Variants in FCHO2 observed in about 807,000 individuals in gnomAD.
FCHO2 encodes the protein F-BAR domain only protein 2.
A neutral mutation model predicts 114.1 loss-of-function variants in FCHO2; 43 were observed. That is an observed-to-expected ratio of 0.38 (90% CI 0.30 to 0.49). The LOEUF (loss-of-function observed/expected upper bound fraction) is 0.49. Among genes scored for constraint, FCHO2 ranks in the 20% least tolerant of loss-of-function variants. The probability of loss-of-function intolerance (pLI) is 0.97; values close to 1 mark genes in which losing one functional copy is unlikely to be tolerated. For missense variants in FCHO2, 807 were observed against 950.4 expected (o/e 0.85, Z 1.98); for synonymous variants, 293 against 315.2 (o/e 0.93, Z 0.75).
At chr5:72,986,275 TC>T (rs1447178803) in intron 2 of FCHO2, among the ~76,000 whole-genome samples, 2 of 152,100 alleles carry the variant, frequency 1.3e-5, no homozygotes, top group African/African-American at 4.8e-5. Context: ...TGGTGTGCTT[TC>T]CTCCACTTCT....
chr5:73,024,067 C>T (rs1561456870), intron 8 of FCHO2, among the ~76,000 whole-genome samples: 2 of 147,830 alleles, frequency 1.4e-5, no homozygotes, highest in Non-Finnish European at 3.0e-5. Context: ...TTTTCTTTTC[C>T]TTTTTTTTTT....
intron 13 of FCHO2, 22 bp downstream of exon 13, chr5:73,052,529 C>T: frequency 1.3e-6 from 2 of 1,543,728 alleles, no homozygotes; most frequent in South Asian, 2.4e-5. Flanking sequence ...CACGTTTGTA[C>T]TCTTTATATA....
chr5:72,984,307 CA>C (rs1753388317), intron 2 of FCHO2, among the ~76,000 whole-genome samples: 1 of 152,170 alleles, frequency 6.6e-6, no homozygotes, highest in African/African-American at 2.4e-5. Flanking sequence ...GCAATTTTTA[CA>C]TCTATACTTG....
At chr5:73,003,701 A>G (rs188952590) in intron 5 of FCHO2, among the ~76,000 whole-genome samples, 7 of 152,262 alleles carry the variant, frequency 4.6e-5, no homozygotes, top group Middle Eastern at 3.4e-3. Flanking sequence ...ACAAGCAAAG[A>G]AGGGGCTTTC....
At chr5:73,069,779 C>G (rs1742547121) in intron 19 of FCHO2, among the ~76,000 whole-genome samples, 1 of 152,026 alleles carries the variant, frequency 6.6e-6, no homozygotes, top group Admixed American at 6.6e-5. Flanking sequence ...TTTACTACAT[C>G]TAGACTTTGC....
At chr5:73,030,634 G>A (rs2112784880) in intron 8 of FCHO2, among the ~76,000 whole-genome samples, 1 of 152,326 alleles carries the variant, frequency 6.6e-6, no homozygotes, top group East Asian at 1.9e-4. Context: ...TTCTCAAAAT[G>A]TGATTCCAGG....
intron 8 of FCHO2, among the ~76,000 whole-genome samples, chr5:73,020,421 G>A (rs541502258): frequency 6.6e-6 from 1 of 152,310 alleles, no homozygotes; most frequent in South Asian, 2.1e-4. Flanking sequence ...GTATGGATAT[G>A]CATTCAGCAG....
At position 73,081,838 on chromosome 5, in the gene FCHO2, G is replaced by T. The variant is rs1743103981; in HGVS notation, c.2036G>T (p.Cys679Phe). Residue 679 changes from cysteine (C) to phenylalanine (F), a missense_variant, in exon 23 of 26, where the codon TGT becomes TTT. Transcript: ENST00000430046. ...TPLNLATYWKCSASTTDLRVD... is the reference protein window; with the variant it reads ...TPLNLATYWKFSASTTDLRVD... Reference sequence around the variant, plus strand: ...CTGAATCTTGCAACATACTGGAAATGTAGTGCTAGCACCACAGATCTTAGA... The same window carrying T: ...CTGAATCTTGCAACATACTGGAAATTTAGTGCTAGCACCACAGATCTTAGA... 5 of 1,608,830 alleles carry T rather than the reference G, an allele frequency of 3.1e-6. No homozygotes were observed. The highest frequency in any genetic ancestry group is 4.2e-6 in the Non-Finnish European group (5 of 1,177,232).
intron 5 of FCHO2, among the ~76,000 whole-genome samples, chr5:72,998,616 A>T (rs983366703): frequency 6.6e-6 from 1 of 151,834 alleles, no homozygotes; most frequent in African/African-American, 2.4e-5. Context: ...TAAATTAGTT[A>T]AAACTATCCA....
In FCHO2 at chr5:73,089,092, AAG is replaced by A. The variant is rs1355655742; in HGVS notation, c.*1006_*1007del. 9 of 152,696 alleles carry A rather than the reference AAG, an allele frequency of 5.9e-5. No homozygotes were observed. Among genetic ancestry groups the A allele is most frequent in the African/African-American group, 2.2e-4 (9 of 41,564 alleles). The allele number at this position is 152,696 out of a possible 1,614,324, so 9.5% of individuals were successfully genotyped here. A position where few individuals can be genotyped will look rare whatever the true frequency, so the allele number is the denominator to read the frequency against. On this transcript the variant is annotated 3_prime_UTR_variant, in exon 26 of 26. Transcript: ENST00000430046. ...TTGGTGATACACTGTAGCCACTAGA[AAG>A]AGAAATAAACCCAATGGCATGTGTT...
chr5:73,005,465 T>C (rs957304514), intron 5 of FCHO2, among the ~76,000 whole-genome samples: 1 of 152,164 alleles, frequency 6.6e-6, no homozygotes, highest in African/African-American at 2.4e-5. Flanking sequence ...CCCTACTGTT[T>C]CTCACTCATA....
At chr5:72,986,592 C>T (rs1232915993) in intron 2 of FCHO2, among the ~76,000 whole-genome samples, 3 of 152,220 alleles carry the variant, frequency 2.0e-5, no homozygotes, top group Non-Finnish European at 2.9e-5. Context: ...CCACCCTCAA[C>T]TTACCATGTT....
chr5:73,082,914 G>A (rs1181788750), intron 24 of FCHO2, 89 bp downstream of exon 24: 16 of 1,165,788 alleles, frequency 1.4e-5, no homozygotes, highest in Non-Finnish European at 1.8e-5. Context: ...TAGCTTTGTT[G>A]CCAGGCTGGA....
chr5:73,059,662 G>A (rs950452618), intron 17 of FCHO2, among the ~76,000 whole-genome samples: 4 of 152,096 alleles, frequency 2.6e-5, no homozygotes, highest in African/African-American at 2.4e-5. Context: ...AACACTAAAC[G>A]CTATTTGACC....
intron 6 of FCHO2, among the ~76,000 whole-genome samples, chr5:73,010,632 T>G (rs1561445472): frequency 6.6e-6 from 1 of 151,942 alleles, no homozygotes; most frequent in Non-Finnish European, 1.5e-5. Context: ...ATCCCAGCAC[T>G]TTTGGAGGCT....
chr5:72,987,025 G>A (rs779860405), intron 2 of FCHO2, among the ~76,000 whole-genome samples: 1 of 151,450 alleles, frequency 6.6e-6, no homozygotes, highest in African/African-American at 2.4e-5. Context: ...ACAGGCGTGT[G>A]TCACCAAGCC....
chr5:73,021,947 T>C (rs1395151317), intron 8 of FCHO2, among the ~76,000 whole-genome samples: 1 of 152,206 alleles, frequency 6.6e-6, no homozygotes, highest in Non-Finnish European at 1.5e-5. Flanking sequence ...TTTCAGCAAC[T>C]TTTTGAAGTA....
intron 5 of FCHO2, among the ~76,000 whole-genome samples, chr5:72,994,270 G>A (rs1280482960): frequency 2.0e-5 from 3 of 151,960 alleles, no homozygotes; most frequent in African/African-American, 4.8e-5. Context: ...CATCTATAAG[G>A]CACTTAAACA....
At chr5:73,029,326 G>T (rs1215270758) in intron 8 of FCHO2, among the ~76,000 whole-genome samples, 1 of 152,150 alleles carries the variant, frequency 6.6e-6, no homozygotes, top group African/African-American at 2.4e-5. Flanking sequence ...CATGGAAGAT[G>T]AAAACATGAC....
Sources: allele counts gnomAD v4.1 joint callset (sites outside exome capture counted in the v4.1 genomes callset), GRCh38; gene constraint gnomAD v4.1.1; transcripts MANE v1.5; gene names NCBI Gene and HGNC (gene_info 2026-07-23, HGNC 2026-07-21).